LHFPL2: variants seen among roughly 807,000 people sequenced by gnomAD.
The protein encoded by LHFPL2 is LHFPL tetraspan subfamily member 2 protein.
A neutral mutation model predicts 17.5 loss-of-function variants in LHFPL2; 7 were observed. The ratio of observed to expected loss-of-function variants is 0.40; its 90% CI spans 0.23 to 0.75. LHFPL2 has a LOEUF of 0.75. Among genes scored for constraint, LHFPL2 ranks in the 30% least tolerant of loss-of-function variants. The pLI, the probability that LHFPL2 is intolerant of heterozygous loss-of-function variation, is 0.37. For missense variants in LHFPL2, 241 were observed against 294.8 expected (o/e 0.82, Z 1.34); for synonymous variants, 134 against 116.2 (o/e 1.15, Z -0.99).
chr5:78,573,523 T>C (rs1757055953), intron 2 of LHFPL2, among the ~76,000 whole-genome samples: 1 of 152,176 alleles, frequency 6.6e-6, no homozygotes, highest in Non-Finnish European at 1.5e-5. Flanking sequence ...ACTCAACCGC[T>C]GAAACAGCAG....
chr5:78,615,372 T>C (rs1409200559), intron 2 of LHFPL2, among the ~76,000 whole-genome samples: 7 of 152,206 alleles, frequency 4.6e-5, no homozygotes, highest in African/African-American at 7.2e-5. Flanking sequence ...ACTGGGAAGA[T>C]ACATAACAGC....
At chr5:78,578,585 GCACACACACA>G (rs61127481) in intron 2 of LHFPL2, among the ~76,000 whole-genome samples, 2,425 of 146,986 alleles carry the variant, frequency 0.016, 71 homozygotes, top group African/African-American at 0.057. Context: ...TTGCATATGT[GCACACACACA>G]CACACACACA....
At chr5:78,596,782 G>C (rs532629512) in intron 2 of LHFPL2, among the ~76,000 whole-genome samples, 15 of 151,596 alleles carry the variant, frequency 9.9e-5, no homozygotes, top group Non-Finnish European at 2.1e-4. Context: ...ATGCTGGTAG[G>C]TTGTCAGTCA....
Position 78,485,525 on chromosome 5 carries a change from C to G in LHFPL2, c.*3372G>C, listed in dbSNP as rs1754209208. On this transcript the variant is annotated 3_prime_UTR_variant, in exon 5 of 5. Transcript: ENST00000380345. ...AGAAATCCCAGTCGTGCCTTTAACT[C>G]TTTTGGCCCTTGGGAGTCATTGCAA... is the stretch of plus-strand genomic sequence containing the variant. 6.6e-6 allele frequency: 1 copy of G among 152,608 alleles called. No homozygotes were observed. Among genetic ancestry groups the G allele is most frequent in the African/African-American group, 2.4e-5 (1 of 41,430 alleles). The allele number at this position is 152,608 out of a possible 1,614,324, so 9.5% of individuals were successfully genotyped here.
chr5:78,631,344 C>G (rs1392397178), intron 2 of LHFPL2, among the ~76,000 whole-genome samples: 1 of 152,174 alleles, frequency 6.6e-6, no homozygotes, highest in Non-Finnish European at 1.5e-5. Flanking sequence ...CTGCTCATGG[C>G]CACAGGTTGC....
intron 4 of LHFPL2, among the ~76,000 whole-genome samples, chr5:78,497,960 G>C (rs1754657399): frequency 6.6e-6 from 1 of 152,236 alleles, no homozygotes; most frequent in South Asian, 2.1e-4. Flanking sequence ...GCTGCAGCAA[G>C]GACAGCTGCC....
At chr5:78,645,587 CACACAT>C (rs1189048204) in intron 1 of LHFPL2, among the ~76,000 whole-genome samples, 11 of 114,430 alleles carry the variant, frequency 9.6e-5, no homozygotes, top group African/African-American at 2.7e-4. Flanking sequence ...CACACACACA[CACACAT>C]TTTTTTTGAG....
chr5:78,493,996 G>C (rs1561303785), intron 4 of LHFPL2, among the ~76,000 whole-genome samples: 1 of 152,140 alleles, frequency 6.6e-6, no homozygotes, highest in African/African-American at 2.4e-5. Flanking sequence ...CTTTGGACTG[G>C]GTTTCACATG....
intron 2 of LHFPL2, among the ~76,000 whole-genome samples, chr5:78,569,126 C>G (rs1328936503): frequency 6.6e-6 from 1 of 152,160 alleles, no homozygotes; most frequent in Admixed American, 6.5e-5. Context: ...ATATTAAGAA[C>G]AGGGGCAAGG....
rs1452004403 is a variant in LHFPL2, at chr5:78,589,091, G to A, written c.-244-24220C>T. Among the ~76,000 whole-genome samples the A allele has an allele frequency of 3.9e-5, 6 of 152,138 alleles. No homozygotes were observed. The East Asian group carries it at 9.6e-4, about 24-fold the overall frequency. On this transcript the variant is annotated intron_variant, in intron 2 of 4. Transcript: ENST00000380345. The stretch of plus-strand genomic sequence containing the variant: ...GGTGGCAGCCAGGATTCAAAGTCAG[G>A]CCTGGATGACCCAGACTGTGCTTTC...
At chr5:78,613,529 G>A (rs1241469733) in intron 2 of LHFPL2, among the ~76,000 whole-genome samples, 1 of 152,008 alleles carries the variant, frequency 6.6e-6, no homozygotes, top group Admixed American at 6.6e-5. Context: ...ACCCCATAAG[G>A]TGGTTGTGAA....
intron 3 of LHFPL2, among the ~76,000 whole-genome samples, chr5:78,518,340 G>A (rs964229404): frequency 1.3e-5 from 2 of 152,152 alleles, no homozygotes; most frequent in African/African-American, 4.8e-5. Flanking sequence ...AGGCCGAGGC[G>A]GGCAGATCAC....
chr5:78,488,944 C>G lies in LHFPL2; in HGVS notation c.640G>C (p.Val214Leu). ...TTCCCCTCTTCAATTTCTTCCTGTA[C>G]TTTGTCACTAGAGGTTGCAATTTCT... ...QAEIATSSDKVQEEIEEGKNL... is the reference protein window; with the variant it reads ...QAEIATSSDKLQEEIEEGKNL... Residue 214 changes from valine to leucine, a missense_variant, in exon 5 of 5, where the codon GTA becomes CTA. Transcript: ENST00000380345. 1 of 1,614,154 alleles carries G rather than the reference C, an allele frequency of 6.2e-7. No individual in the cohort carries two copies. The highest frequency in any genetic ancestry group is 8.5e-7 in the Non-Finnish European group (1 of 1,179,980).
chr5:78,588,256 C>T (rs1483951523), intron 2 of LHFPL2, among the ~76,000 whole-genome samples: 1 of 152,208 alleles, frequency 6.6e-6, no homozygotes, highest in Non-Finnish European at 1.5e-5. Context: ...CTGCTGCCTG[C>T]AACTCCTGGG....
At chr5:78,555,625 G>T (rs1224563037) in intron 3 of LHFPL2, among the ~76,000 whole-genome samples, 2 of 152,216 alleles carry the variant, frequency 1.3e-5, no homozygotes, top group African/African-American at 4.8e-5. Context: ...GAGAGAAGGA[G>T]AGTTTCACTT....
intron 2 of LHFPL2, among the ~76,000 whole-genome samples, chr5:78,580,001 C>T (rs529430323): frequency 6.6e-6 from 1 of 152,230 alleles, no homozygotes; most frequent in African/African-American, 2.4e-5. Flanking sequence ...CACATCCTCT[C>T]CAGCACCTGT....
chr5:78,486,186 A>AT lies in LHFPL2; in HGVS notation c.*2710dup, dbSNP rs1217899016. On this transcript the variant is annotated 3_prime_UTR_variant, in exon 5 of 5. Coordinates refer to ENST00000380345, the MANE Select transcript of LHFPL2 (RefSeq NM_005779.3). ...ATTACACCACAGATGTTTGAAAACT[A>AT]TACAAAAACCCTTATACAATTAATG... 6.5e-6 allele frequency: 1 copy of AT among 152,700 alleles called. No individual in the cohort carries two copies. The highest frequency in any genetic ancestry group is 1.5e-5 in the Non-Finnish European group (1 of 68,042). The allele number at this position is 152,700 out of a possible 1,614,324, so 9.5% of individuals were successfully genotyped here.
intron 2 of LHFPL2, among the ~76,000 whole-genome samples, chr5:78,626,818 C>T (rs143524479): frequency 5.9e-5 from 9 of 152,122 alleles, no homozygotes; most frequent in Middle Eastern, 3.4e-3. Context: ...CGGTGGTTCA[C>T]GCCTGTAATC....
At chr5:78,527,928 C>G (rs1417721667) in intron 3 of LHFPL2, among the ~76,000 whole-genome samples, 3 of 152,144 alleles carry the variant, frequency 2.0e-5, no homozygotes, top group Admixed American at 2.0e-4. Context: ...GAGTAACATC[C>G]AATGGTCATT....
Sources: allele counts gnomAD v4.1 joint callset (sites outside exome capture counted in the v4.1 genomes callset), GRCh38; gene constraint gnomAD v4.1.1; transcripts MANE v1.5; gene names NCBI Gene and HGNC (gene_info 2026-07-23, HGNC 2026-07-21).